The following PTPN14 variants were observed in gnomAD, a reference collection of about 807,000 sequenced individuals.
PTPN14 encodes tyrosine-protein phosphatase non-receptor type 14.
PTPN14 carries 53 observed loss-of-function variants against 126.8 expected under a neutral mutation model. The observed-to-expected ratio is 0.42, with a 90% CI of 0.34 to 0.53. The LOEUF (loss-of-function observed/expected upper bound fraction) is 0.53, where lower values mean the gene tolerates loss of function less well. PTPN14 is among the 20% of genes least tolerant of loss of function. The probability of loss-of-function intolerance (pLI) is 0.08; values close to 1 mark genes in which losing one functional copy is unlikely to be tolerated. For missense variants in PTPN14, 1,257 were observed against 1,552.9 expected (o/e 0.81, Z 3.20); for synonymous variants, 630 against 599.3 (o/e 1.05, Z -0.75).
rs185752090 is a variant in PTPN14 at position 214,406,222 on chromosome 1, A to G, written c.511-3269T>C. On this transcript the variant is annotated intron_variant, in intron 5 of 18. Coordinates refer to ENST00000366956, the MANE Select transcript of PTPN14 (RefSeq NM_005401.5). ...AGGCCGTTGCAGTGGCTCAGCCTGT[A>G]ATACCGGCACTTTGGGAGGCCAAGG... Among the ~76,000 whole-genome samples, 4 of 152,334 alleles carry G rather than the reference A, an allele frequency of 2.6e-5. No homozygotes were observed. The East Asian group carries it at 7.7e-4, about 29-fold the overall frequency.
chr1:214,497,053 G>A (rs1654538677), intron 1 of PTPN14, among the ~76,000 whole-genome samples: 1 of 151,744 alleles, frequency 6.6e-6, no homozygotes, highest in East Asian at 1.9e-4. Flanking sequence ...TATGGCTCAA[G>A]ACAACAAGAA....
chr1:214,492,425 T>A (rs1661271118), intron 1 of PTPN14, among the ~76,000 whole-genome samples: 1 of 152,202 alleles, frequency 6.6e-6, no homozygotes, highest in Non-Finnish European at 1.5e-5. Context: ...GACACACATA[T>A]AACACTGATT....
intron 8 of PTPN14, among the ~76,000 whole-genome samples, chr1:214,396,637 T>G (rs1170865584): frequency 6.6e-6 from 1 of 152,204 alleles, no homozygotes; most frequent in African/African-American, 2.4e-5. Flanking sequence ...GGTTTCAAGA[T>G]AAATGAAAAG....
At chr1:214,533,413 G>A (rs1227328578) in intron 1 of PTPN14, 12 of 415,670 alleles carry the variant, frequency 2.9e-5, no homozygotes, top group East Asian at 1.8e-4. Flanking sequence ...ACCACCTGCC[G>A]CAAAGTGAGT....
chr1:214,404,388 A>G (rs1240280245), intron 5 of PTPN14, among the ~76,000 whole-genome samples: 2 of 152,352 alleles, frequency 1.3e-5, no homozygotes, highest in Admixed American at 1.3e-4. Context: ...CGTGATAGGA[A>G]ATAAGCTCAA....
intron 7 of PTPN14, among the ~76,000 whole-genome samples, chr1:214,399,744 A>C (rs1658972875): frequency 6.6e-6 from 1 of 152,152 alleles, no homozygotes; most frequent in African/African-American, 2.4e-5. Flanking sequence ...CATTATTCAA[A>C]TATTGGACAT....
intron 3 of PTPN14, among the ~76,000 whole-genome samples, chr1:214,433,952 A>ACACACAC (rs1491336637): frequency 1.1e-3 from 10 of 9,162 alleles, no homozygotes; most frequent in Non-Finnish European, 1.5e-3. Context: ...ACACACACAC[A>ACACACAC]AAAAAAAAAA....
Position 214,527,031 on chromosome 1 carries a change from C to T in PTPN14, c.-155+24152G>A, listed in dbSNP as rs183358350. On this transcript the variant is annotated intron_variant, in intron 1 of 18. Transcript: ENST00000366956. ...ACTTGAACCCGGGAGACAGAGGTTG[C>T]GATGAGCCAAGATCACGTCATTGCA... Among the ~76,000 whole-genome samples, 57 of 151,442 alleles carry T rather than the reference C, an allele frequency of 3.8e-4. No individual in the cohort carries two copies. The East Asian group carries it at 7.8e-3, about 21-fold the overall frequency.
chr1:214,532,667 A>T (rs1571652117), intron 1 of PTPN14: 2 of 843,646 alleles, frequency 2.4e-6, no homozygotes, highest in East Asian at 4.8e-5. Flanking sequence ...CTTGCTGCTG[A>T]TGACTTTAGA....
At chr1:214,488,619 C>T (rs565918059) in intron 1 of PTPN14, among the ~76,000 whole-genome samples, 18 of 152,166 alleles carry the variant, frequency 1.2e-4, no homozygotes, top group Admixed American at 2.0e-4. Context: ...TTAACTTTCA[C>T]CCATTTTCAC....
At chr1:214,435,409 T>C (rs1000318219) in intron 3 of PTPN14, among the ~76,000 whole-genome samples, 4 of 152,108 alleles carry the variant, frequency 2.6e-5, no homozygotes, top group African/African-American at 4.8e-5. Flanking sequence ...AATTATACAA[T>C]GTCCTAAATT....
rs749525633 is a variant in PTPN14, at chr1:214,383,490, T to C, written c.2365A>G (p.Ile789Val). 187 of 1,614,090 alleles carry C rather than the reference T, an allele frequency of 1.2e-4. No homozygotes were observed. The highest frequency in any genetic ancestry group is 1.5e-4 in the Non-Finnish European group (180 of 1,180,052). ...GGCGGGTCAGTCCGAGACATGCTGA[T>C]GGCCTTGGCTGGCCCATGCCTCAGC... is the stretch of plus-strand genomic sequence containing the variant. ...RVLRHGPAKA[I>V]SMSRTDPPAV... Residue 789 changes from isoleucine (I) to valine (V), a missense_variant, in exon 13 of 19, where the codon ATC becomes GTC. Coordinates refer to ENST00000366956, the MANE Select transcript of PTPN14 (RefSeq NM_005401.5). This position sits in a 1 kb window ranked among gnomAD's most constrained non-coding sequence, Gnocchi z 4.4.
chr1:214,369,556 C>T lies in PTPN14; in HGVS notation c.3172G>A (p.Val1058Ile), dbSNP rs1240248993. The T allele has an allele frequency of 3.1e-6, 5 of 1,614,062 alleles. No individual in the cohort carries two copies. The highest frequency in any genetic ancestry group is 4.2e-6 in the Non-Finnish European group (5 of 1,180,056). Residue 1058 changes from valine (V) to isoleucine (I), a missense_variant, in exon 17 of 19, where the codon GTC becomes ATC. Transcript: ENST00000366956. Reference sequence around the variant, plus strand: ...TCTTGCCCAGACAAAAGGTGCTTGACCTTCAAGCCCGTGGTTGCATAGCAA... The same window carrying T: ...TCTTGCCCAGACAAAAGGTGCTTGATCTTCAAGCCCGTGGTTGCATAGCAA... ...SVCYATTGLK[V>I]KHLLSGQERT...
chr1:214,394,931 T>C lies in PTPN14; in HGVS notation c.814A>G (p.Ile272Val), dbSNP rs372638270. 1.7e-5 allele frequency: 28 copies of C among 1,612,916 alleles called. No homozygotes were observed. Among genetic ancestry groups the C allele is most frequent in the Non-Finnish European group, 2.2e-5 (26 of 1,179,114 alleles). ...HNKSTILVEL[I>V]NKEETALFHT... is the part of the protein sequence containing the mutation. ...AAGAGGGCAGTCTCTTCTTTGTTGA[T>C]GAGCTCCACTAGAATGGTCGACTTG... Residue 272 changes from isoleucine (I) to valine (V), a missense_variant, in exon 9 of 19, where the codon ATC (isoleucine) becomes GTC (valine). By Grantham distance (29) the Ile-to-Val change is conservative. Coordinates refer to ENST00000366956, the MANE Select transcript of PTPN14 (RefSeq NM_005401.5).
chr1:214,445,381 A>G (rs1222861073), intron 3 of PTPN14, among the ~76,000 whole-genome samples: 1 of 152,196 alleles, frequency 6.6e-6, no homozygotes, highest in Non-Finnish European at 1.5e-5. Context: ...AATTCTGTAG[A>G]GTGCTCACCA....
At position 214,357,967 on chromosome 1, in the gene PTPN14, G is replaced by A. The variant is rs772445846; in HGVS notation, c.3519C>T (p.Val1173=). Residue 1173 remains valine, a synonymous_variant, in exon 19 of 19, where the codon GTC becomes GTT. Coordinates refer to ENST00000366956, the MANE Select transcript of PTPN14 (RefSeq NM_005401.5). ...MIQTIAQYKF[V]YQVLIQFLQN... is the part of the protein sequence containing the mutation. ...GGAGGAACTGGATGAGGACTTGGTA[G>A]ACAAACTTGTACTGAGCGATAGTCT... is the stretch of plus-strand genomic sequence containing the variant. 1 of 1,613,418 alleles carries A rather than the reference G, an allele frequency of 6.2e-7. No individual in the cohort carries two copies. The highest frequency in any genetic ancestry group is 8.5e-7 in the Non-Finnish European group (1 of 1,179,600).
intron 3 of PTPN14, among the ~76,000 whole-genome samples, chr1:214,445,428 T>C (rs2102626058): frequency 6.6e-6 from 1 of 152,226 alleles, no homozygotes; most frequent in Admixed American, 6.5e-5. Flanking sequence ...ACAGGCAGGC[T>C]ACTAAGATGT....
At chr1:214,448,094 A>G (rs952772980) in intron 3 of PTPN14, among the ~76,000 whole-genome samples, 27 of 152,232 alleles carry the variant, frequency 1.8e-4, no homozygotes, top group African/African-American at 6.0e-4. Context: ...TAGTCTATGA[A>G]TGCAAACATT....
chr1:214,535,405 G>A (rs1468916276), intron 1 of PTPN14, among the ~76,000 whole-genome samples: 5 of 152,168 alleles, frequency 3.3e-5, no homozygotes, highest in East Asian at 1.9e-4. Flanking sequence ...TCACATGTAC[G>A]ATTTAGGGTT....
Sources: gnomAD v4.1 joint callset for allele counts (sites outside exome capture counted in the v4.1 genomes callset) on GRCh38, gnomAD v4.1.1 for gene constraint, Gnocchi (gnomAD v3.1) non-coding constraint, MANE v1.5 for transcripts, NCBI Gene and HGNC (gene_info 2026-07-23, HGNC 2026-07-21) for gene names.